ASXL3: variants seen among roughly 807,000 people sequenced by gnomAD.
The protein encoded by ASXL3 is ASXL transcriptional regulator 3, also known as putative Polycomb group protein ASXL3.
In ASXL3, 34 loss-of-function variants were observed where a neutral mutation model predicts 170.6. That is an observed-to-expected ratio of 0.20 (90% CI 0.15 to 0.27). The LOEUF (loss-of-function observed/expected upper bound fraction) is 0.27. ASXL3 is among the 10% of genes least tolerant of loss of function. ASXL3 has a pLI of 1.00. For synonymous variants in ASXL3, 1,002 were observed against 989.1 expected, an observed-to-expected ratio of 1.01 and a Z score of -0.24; for missense variants, 2,592 against 2,695.3, an observed-to-expected ratio of 0.96 and a Z score of 0.85.
intron 8 of ASXL3, among the ~76,000 whole-genome samples, chr18:33,724,676 G>T (rs2067318034): frequency 6.6e-6 from 1 of 152,048 alleles, no homozygotes; most frequent in Non-Finnish European, 1.5e-5. Context: ...TAGCATATTA[G>T]ATAATACAGT....
At chr18:33,726,795 G>A (rs2067359348) in intron 8 of ASXL3, among the ~76,000 whole-genome samples, 1 of 152,132 alleles carries the variant, frequency 6.6e-6, no homozygotes, top group South Asian at 2.1e-4. Context: ...ACCCTCCAAA[G>A]GCTTTCCAGC....
chr18:33,598,686 A>G (rs1339039643), intron 1 of ASXL3, among the ~76,000 whole-genome samples: 1 of 152,216 alleles, frequency 6.6e-6, no homozygotes, highest in African/African-American at 2.4e-5. Flanking sequence ...AGGAGATGTG[A>G]TAAGAAAAGT....
At chr18:33,653,747 G>T (rs566414799) in intron 4 of ASXL3, among the ~76,000 whole-genome samples, 1 of 152,104 alleles carries the variant, frequency 6.6e-6, no homozygotes, top group South Asian at 2.1e-4. Context: ...TGATCCGGGG[G>T]ATAGAAATCG....
At chr18:33,688,275 G>C (rs1250570728) in intron 8 of ASXL3, among the ~76,000 whole-genome samples, 1 of 152,182 alleles carries the variant, frequency 6.6e-6, no homozygotes, top group Admixed American at 6.5e-5. Context: ...CAGAGATACT[G>C]TAAAAATCTG....
intron 2 of ASXL3, among the ~76,000 whole-genome samples, chr18:33,612,898 T>C (rs1481687815): frequency 1.3e-5 from 2 of 152,092 alleles, no homozygotes; most frequent in African/African-American, 4.8e-5. Flanking sequence ...TGGTCTAGTT[T>C]GTTTGTGTTG....
intron 2 of ASXL3, among the ~76,000 whole-genome samples, chr18:33,624,828 C>T (rs908631828): frequency 1.3e-5 from 2 of 152,008 alleles, no homozygotes; most frequent in Non-Finnish European, 2.9e-5. Flanking sequence ...ATTATTTGTG[C>T]GCTTCTGTCT....
intron 8 of ASXL3, among the ~76,000 whole-genome samples, chr18:33,727,012 A>G (rs761515636): frequency 7.2e-5 from 11 of 152,228 alleles, no homozygotes; most frequent in Middle Eastern, 3.4e-3. Context: ...TTTCTGCTCA[A>G]ATGTCTCTTA....
Position 33,704,072 on chromosome 18 carries a change from A to G in ASXL3, c.879+20504A>G, listed in dbSNP as rs1343467329. On this transcript the variant is annotated intron_variant, in intron 8 of 11. Coordinates refer to ENST00000269197, the MANE Select transcript of ASXL3 (RefSeq NM_030632.3). The stretch of plus-strand genomic sequence containing the variant: ...TATGCCAAAGGCATTTGTTAAATAA[A>G]CTGCTCTTTTCCAAAAAGTGACATA... 3.3e-5 allele frequency among the ~76,000 whole-genome samples: 5 copies of G among 152,264 alleles called. No homozygotes were observed. The South Asian group carries it at 8.3e-4, about 25-fold the overall frequency.
At chr18:33,711,776 A>G (rs1315976682) in intron 8 of ASXL3, among the ~76,000 whole-genome samples, 2 of 152,146 alleles carry the variant, frequency 1.3e-5, no homozygotes, top group African/African-American at 2.4e-5. Context: ...CTGTATTGTC[A>G]TAGCAGTTGC....
Position 33,739,513 on chromosome 18 carries a change from A to G in ASXL3, c.2109A>G (p.Glu703=). 1 of 1,613,914 alleles carries G rather than the reference A, an allele frequency of 6.2e-7. No homozygotes were observed. The highest frequency in any genetic ancestry group is 8.5e-7 in the Non-Finnish European group (1 of 1,179,820). ...TGTCCAACTTACCATTAACATCTGA[A>G]GCATCACCAGTATCCAACTTACCTT... ...SLMSNLPLTS[E]ASPVSNLPLT... is the part of the protein sequence containing the mutation. The change falls in exon 11 of 12, where the codon GAA becomes GAG. Residue 703 remains glutamate, a synonymous_variant. Coordinates refer to ENST00000269197, the MANE Select transcript of ASXL3 (RefSeq NM_030632.3).
chr18:33,600,420 C>T (rs1449998597), intron 1 of ASXL3, among the ~76,000 whole-genome samples: 2 of 152,028 alleles, frequency 1.3e-5, no homozygotes, highest in Admixed American at 6.6e-5. Context: ...ACTTGAAGTA[C>T]TGAAAAAACT....
intron 8 of ASXL3, among the ~76,000 whole-genome samples, chr18:33,730,044 T>G (rs1219057190): frequency 6.6e-6 from 1 of 152,168 alleles, no homozygotes; most frequent in Non-Finnish European, 1.5e-5. Context: ...CAGACAAAGC[T>G]TTGGCTACAG....
intron 1 of ASXL3, among the ~76,000 whole-genome samples, chr18:33,604,870 A>G (rs957303287): frequency 1.3e-5 from 2 of 152,022 alleles, no homozygotes; most frequent in African/African-American, 4.8e-5. Flanking sequence ...GAAACAAATT[A>G]TGTTGGGGAA....
intron 8 of ASXL3, among the ~76,000 whole-genome samples, chr18:33,723,205 AT>A (rs2067291335): frequency 6.6e-6 from 1 of 152,146 alleles, no homozygotes. Flanking sequence ...AAGTCTTATT[AT>A]TTAAGAAATG....
At chr18:33,590,536 G>A (rs1257728490) in intron 1 of ASXL3, among the ~76,000 whole-genome samples, 1 of 152,158 alleles carries the variant, frequency 6.6e-6, no homozygotes, top group Non-Finnish European at 1.5e-5. Flanking sequence ...AACTTGCTTA[G>A]CTAGTAAGTT....
Position 33,750,285 on chromosome 18 carries a change from G to A in ASXL3, c.*3690G>A, listed in dbSNP as rs995224227. 5 of 152,180 alleles carry A rather than the reference G, an allele frequency of 3.3e-5. No individual in the cohort carries two copies. Among genetic ancestry groups the A allele is most frequent in the Admixed American group, 1.3e-4 (2 of 15,278 alleles). The allele number at this position is 152,180 out of a possible 1,614,324, so 9.4% of individuals were successfully genotyped here. The stretch of plus-strand genomic sequence containing the variant: ...TCTTCAGTCTTCATGCTTTGTCACT[G>A]TAAAAAGAACAAAAAGCATTTTTAC... On this transcript the variant is annotated 3_prime_UTR_variant, in exon 12 of 12. Transcript: ENST00000269197.
At chr18:33,633,838 C>A (rs1233649689) in intron 2 of ASXL3, among the ~76,000 whole-genome samples, 2 of 103,434 alleles carry the variant, frequency 1.9e-5, no homozygotes, top group African/African-American at 4.3e-5. Flanking sequence ...AGCAAGACTC[C>A]ATCTCAAAAA....
At chr18:33,655,379 A>C (rs2066067113) in intron 4 of ASXL3, among the ~76,000 whole-genome samples, 2 of 152,058 alleles carry the variant, frequency 1.3e-5, no homozygotes, top group African/African-American at 4.8e-5. Flanking sequence ...AACGTTATAA[A>C]GAGAATCAGT....
At chr18:33,705,028 G>A (rs2145334379) in intron 8 of ASXL3, among the ~76,000 whole-genome samples, 1 of 151,830 alleles carries the variant, frequency 6.6e-6, no homozygotes, top group South Asian at 2.1e-4. Context: ...AGAAAAATTG[G>A]TTAAACAAGA....
Sources: allele counts gnomAD v4.1 joint callset (sites outside exome capture counted in the v4.1 genomes callset), GRCh38; gene constraint gnomAD v4.1.1; transcripts MANE v1.5; gene names NCBI Gene and HGNC (gene_info 2026-07-23, HGNC 2026-07-21).